The following SLC35F3 variants were observed in gnomAD, a reference collection of about 807,000 sequenced individuals.
SLC35F3 encodes putative thiamine transporter SLC35F3.
In SLC35F3, 25 loss-of-function variants were observed where a neutral mutation model predicts 49.9. The observed-to-expected ratio is 0.50, with a 90% confidence interval of 0.37 to 0.70. The LOEUF (loss-of-function observed/expected upper bound fraction) is 0.70. SLC35F3 is among the 30% of genes least tolerant of loss of function. The probability of loss-of-function intolerance (pLI) is 0.00; values close to 1 mark genes in which losing one functional copy is unlikely to be tolerated. For synonymous variants in SLC35F3, 275 were observed against 265.4 expected (o/e 1.04, Z -0.35); for missense variants, 525 against 639.8 (o/e 0.82, Z 1.94).
At chr1:234,145,590 T>TGTC (rs1202079920) in intron 2 of SLC35F3, among the ~76,000 whole-genome samples, 1 of 152,228 alleles carries the variant, frequency 6.6e-6, no homozygotes, top group Admixed American at 6.5e-5. Flanking sequence ...AAATGATGGT[T>TGTC]GTCTCTATAT....
At chr1:234,233,558 C>T (rs1286904580) in intron 3 of SLC35F3, among the ~76,000 whole-genome samples, 2 of 152,148 alleles carry the variant, frequency 1.3e-5, no homozygotes, top group East Asian at 1.9e-4. Flanking sequence ...TGCTGAAAAC[C>T]GCACAGATGG....
intron 2 of SLC35F3, among the ~76,000 whole-genome samples, chr1:234,089,741 CA>C (rs1665012829): frequency 6.6e-6 from 1 of 151,998 alleles, no homozygotes; most frequent in Admixed American, 6.6e-5. Flanking sequence ...GGCAGTTCGC[CA>C]CTGGAGGGGA....
chr1:234,315,343 T>G (rs1657462414), intron 4 of SLC35F3, among the ~76,000 whole-genome samples: 1 of 152,204 alleles, frequency 6.6e-6, no homozygotes. Context: ...ACATCTTTTG[T>G]TTTAACTACT....
intron 2 of SLC35F3, chr1:234,213,269 G>A (rs945186700): frequency 3.3e-5 from 5 of 152,282 alleles, no homozygotes; most frequent in African/African-American, 1.2e-4. Flanking sequence ...CAGGAAACCA[G>A]GTAGCATTGA....
At chr1:233,995,928 C>T (rs1004680860) in intron 2 of SLC35F3, among the ~76,000 whole-genome samples, 1 of 152,192 alleles carries the variant, frequency 6.6e-6, no homozygotes, top group Non-Finnish European at 1.5e-5. Flanking sequence ...TTAGGATTAG[C>T]ATAGCTTGAG....
chr1:233,936,341 T>A (rs1007100308), intron 2 of SLC35F3, among the ~76,000 whole-genome samples: 1 of 152,198 alleles, frequency 6.6e-6, no homozygotes, highest in African/African-American at 2.4e-5. Flanking sequence ...AAGTAAACTT[T>A]TACTGGATAA....
intron 2 of SLC35F3, among the ~76,000 whole-genome samples, chr1:234,197,913 C>A (rs1396012909): frequency 6.6e-6 from 1 of 152,240 alleles, no homozygotes; most frequent in African/African-American, 2.4e-5. Context: ...ACAACACCTA[C>A]ATTTTTTATT....
chr1:234,175,970 A>AT (rs1376892654), intron 2 of SLC35F3, among the ~76,000 whole-genome samples: 1 of 152,154 alleles, frequency 6.6e-6, no homozygotes, highest in Non-Finnish European at 1.5e-5. Flanking sequence ...TTTCTCAAGC[A>AT]TATCTCTGAG....
At chr1:234,283,566 AGATTTAATGG>A (rs1410735704) in intron 3 of SLC35F3, among the ~76,000 whole-genome samples, 1 of 152,234 alleles carries the variant, frequency 6.6e-6, no homozygotes, top group Non-Finnish European at 1.5e-5. Context: ...AACAAGAGGG[AGATTTAATGG>A]ACTGCATAAT....
chr1:234,292,623 C>T (rs1043387595), intron 3 of SLC35F3, among the ~76,000 whole-genome samples: 2 of 152,174 alleles, frequency 1.3e-5, no homozygotes, highest in Admixed American at 6.5e-5. Context: ...ATGTCACCCC[C>T]AAATGTTCTG....
At chr1:234,042,076 G>C (rs1188273200) in intron 2 of SLC35F3, among the ~76,000 whole-genome samples, 1 of 152,160 alleles carries the variant, frequency 6.6e-6, no homozygotes, top group Non-Finnish European at 1.5e-5. Flanking sequence ...ACTCTTCCCT[G>C]ACGTCAAGTT....
chr1:233,971,507 G>T (rs1662991874), intron 2 of SLC35F3, among the ~76,000 whole-genome samples: 2 of 152,178 alleles, frequency 1.3e-5, no homozygotes, highest in African/African-American at 4.8e-5. Flanking sequence ...GGATCACAAG[G>T]TCAGGAGTTC....
chr1:234,145,445 TC>T (rs368872930), intron 2 of SLC35F3, among the ~76,000 whole-genome samples: 5 of 152,152 alleles, frequency 3.3e-5, no homozygotes, highest in Non-Finnish European at 7.3e-5. Context: ...CAGTTAGGAA[TC>T]TTTTTTCTCC....
At chr1:234,216,940 A>G (rs1424194791) in intron 2 of SLC35F3, among the ~76,000 whole-genome samples, 1 of 152,164 alleles carries the variant, frequency 6.6e-6, no homozygotes, top group Non-Finnish European at 1.5e-5. Context: ...CCTGGCTCAC[A>G]TATAGCTCTT....
intron 2 of SLC35F3, among the ~76,000 whole-genome samples, chr1:234,190,986 A>T (rs1158175094): frequency 6.6e-6 from 1 of 152,242 alleles, no homozygotes; most frequent in Non-Finnish European, 1.5e-5. Flanking sequence ...GCTTCTAGTG[A>T]GCAAAGGCAG....
chr1:234,160,054 A>G lies in SLC35F3; in HGVS notation c.284-71363A>G, dbSNP rs539094027. ...CCTCCTTCATTTACTAGGATCATTA[A>G]TATCTGTTGATAGGATTTGGATTCA... On this transcript the variant is annotated intron_variant, in intron 2 of 7. Coordinates refer to ENST00000366618, the MANE Select transcript of SLC35F3 (RefSeq NM_173508.4). Among the ~76,000 whole-genome samples, 11 of 152,314 alleles carry G rather than the reference A, an allele frequency of 7.2e-5. No homozygotes were observed. In the East Asian group the frequency reaches 1.9e-3, roughly 27 times the overall value.
At chr1:234,049,807 G>T (rs973795009) in intron 2 of SLC35F3, among the ~76,000 whole-genome samples, 4 of 152,084 alleles carry the variant, frequency 2.6e-5, no homozygotes, top group Admixed American at 6.5e-5. Flanking sequence ...CCCACGACGG[G>T]CCCCGGTGTG....
intron 2 of SLC35F3, among the ~76,000 whole-genome samples, chr1:234,202,431 T>G (rs1666912675): frequency 6.6e-6 from 1 of 152,198 alleles, no homozygotes; most frequent in African/African-American, 2.4e-5. Context: ...GCCAAATAAA[T>G]TTACACCAAG....
At chr1:234,038,285 A>C (rs1337466451) in intron 2 of SLC35F3, among the ~76,000 whole-genome samples, 12 of 151,046 alleles carry the variant, frequency 7.9e-5, no homozygotes, top group Non-Finnish European at 1.6e-4. Context: ...CCTACAAAGG[A>C]CATGAACTCA....
Sources: gnomAD v4.1 joint callset for allele counts (sites outside exome capture counted in the v4.1 genomes callset) on GRCh38, gnomAD v4.1.1 for gene constraint, MANE v1.5 for transcripts, NCBI Gene and HGNC (gene_info 2026-07-23, HGNC 2026-07-21) for gene names.